Variants in TAF6 observed in about 807,000 individuals in gnomAD.
The protein encoded by TAF6 is transcription initiation factor TFIID subunit 6.
A neutral mutation model predicts 73.5 loss-of-function variants in TAF6; 50 were observed. The ratio of observed to expected loss-of-function variants is 0.68; its 90% confidence interval spans 0.54 to 0.86. TAF6 has a LOEUF of 0.86. Among genes scored for constraint, TAF6 ranks in the 40% least tolerant of loss-of-function variants. The pLI is 0.00. For missense variants in TAF6, 768 were observed against 899.5 expected (o/e 0.85, Z 1.87); for synonymous variants, 424 against 376.7 (o/e 1.13, Z -1.45).
Position 100,113,240 on chromosome 7 carries a change from A to G in TAF6, c.454+109T>C, listed in dbSNP as rs1194538586. 3 of 1,065,034 alleles carry G rather than the reference A, an allele frequency of 2.8e-6. No individual in the cohort carries two copies. In the Admixed American group the frequency reaches 8.5e-5, roughly 30 times the overall value. The allele number at this position is 1,065,034 out of a possible 1,614,324, so 66.0% of individuals were successfully genotyped here. On this transcript the variant is annotated intron_variant, in intron 5 of 14. Transcript: ENST00000453269. ...CAAGATTGAGCCACTGCACTCCAGC[A>G]CTCCTGCACTCCAGCACAGGCAACA...
upstream of TAF6, among the ~76,000 whole-genome samples, chr7:100,123,270 A>T (rs1798120402): frequency 3.3e-5 from 5 of 151,798 alleles, no homozygotes. Flanking sequence ...TGAATCCAGG[A>T]GGTGGAGGTT....
rs1188711570 is a variant in TAF6 at position 100,114,151 on chromosome 7, T to G, written c.59A>C (p.Lys20Thr). 6.2e-7 allele frequency: 1 copy of G among 1,614,208 alleles called. No individual in the cohort carries two copies. Among genetic ancestry groups the G allele is most frequent in the East Asian group, 2.2e-5 (1 of 44,880 alleles). Residue 20 changes from lysine to threonine, a missense_variant, in exon 2 of 15, where the codon AAG (lysine) becomes ACG (threonine). Transcript: ENST00000453269. ...SNTVLPSESM[K>T]VVAESMGIAQ... ...GATGCCCATGGATTCAGCCACCACC[T>G]TCATGGACTCCGAGGGCAGCACAGT...
At chr7:100,122,697 CAG>C, upstream of TAF6, 1 of 1,542,074 alleles carries the variant, frequency 6.5e-7, no homozygotes, top group Non-Finnish European at 8.8e-7. Context: ...CTTGAATCTC[CAG>C]TAGTTGACAA....
At chr7:100,122,124 G>C, upstream of TAF6, 2 of 1,041,870 alleles carry the variant, frequency 1.9e-6, no homozygotes, top group East Asian at 5.1e-5. Context: ...CTAAATGGCT[G>C]AGCCAGGATT....
At chr7:100,110,385 G>T in intron 10 of TAF6, 111 bp from the exon 11 acceptor site, 1 of 1,225,900 alleles carries the variant, frequency 8.2e-7, no homozygotes. Context: ...ATTACAATGA[G>T]GCCAGACGTG....
At position 100,112,707 on chromosome 7, in the gene TAF6, T is replaced by A; in HGVS notation, c.574+91A>T. On this transcript the variant is annotated intron_variant, in intron 6 of 14. Coordinates refer to ENST00000453269, the MANE Select transcript of TAF6 (RefSeq NM_139315.3). The stretch of plus-strand genomic sequence containing the variant: ...TCCAGCCTGGGTGACAGAGTGAGAC[T>A]CTGTCTCAAAAACAAAAAAAAAGGA... 3 of 1,477,642 alleles carry A rather than the reference T, an allele frequency of 2.0e-6. No individual in the cohort carries two copies. In the East Asian group the frequency reaches 7.2e-5, roughly 36 times the overall value. 91.5% of individuals were successfully genotyped at this position (1,477,642 alleles called of 1,614,324 possible). A position where few individuals can be genotyped will look rare whatever the true frequency, so the allele number is the denominator to read the frequency against.
At chr7:100,125,057 A>T in the TAF6 span, 63 of 671,316 alleles carry the variant, frequency 9.4e-5, no homozygotes, top group Non-Finnish European at 1.2e-4. Context: ...ACAGCATGAC[A>T]TGGCTTCTGG....
In TAF6 at chr7:100,114,216, GTCCC is replaced by G. The variant is rs60827453; in HGVS notation, c.-11_-8del. 911 of 1,614,154 alleles carry G rather than the reference GTCCC, an allele frequency of 5.6e-4. 7 individuals carry two copies. In the African/African-American group the frequency reaches 0.011, roughly 19 times the overall value. ...GCTTCTTCTCCTCAGCCATTCTGGAGTCCCTCTTCTCCTCCCTGGAAGGATGAAG... is the reference window on the plus strand; with the variant it reads ...GCTTCTTCTCCTCAGCCATTCTGGAGTCTTCTCCTCCCTGGAAGGATGAAG... On this transcript the variant is annotated 5_prime_UTR_variant, in exon 2 of 15. Transcript: ENST00000453269.
intron 8 of TAF6, 42 bp downstream of exon 8, chr7:100,111,880 C>T: frequency 6.2e-7 from 1 of 1,613,986 alleles, no homozygotes; most frequent in Non-Finnish European, 8.5e-7. Context: ...CTCACAGGAG[C>T]TTCCACTGCC....
intron 12 of TAF6, among the ~76,000 whole-genome samples, chr7:100,109,334 A>G (rs1796935725): frequency 1.3e-5 from 2 of 151,806 alleles, no homozygotes; most frequent in Admixed American, 1.3e-4. Flanking sequence ...CAAAAAAAAA[A>G]AAAGAAAAGA....
chr7:100,108,420 G>C lies in TAF6; in HGVS notation c.1405C>G (p.Gln469Glu). The change falls in exon 13 of 15, where the codon CAG becomes GAG. Residue 469 changes from glutamine to glutamate, a missense_variant. This residue lies in a region of TAF6 where 350 missense variants were observed against 352.3 expected (regional missense o/e 0.99). Transcript: ENST00000453269. ...ACCTGCTGAGCCTGCAGAGCAGCCT[G>C]GGCCCGAGCCTTGACCACCTGGGAG... is the stretch of plus-strand genomic sequence containing the variant. ...LCSQVVKARAQAALQAQQVNR... is the reference protein window; with the variant it reads ...LCSQVVKARAEAALQAQQVNR... 1 of 1,613,778 alleles carries C rather than the reference G, an allele frequency of 6.2e-7. No homozygotes were observed. The highest frequency in any genetic ancestry group is 8.5e-7 in the Non-Finnish European group (1 of 1,179,780).
chr7:100,115,831 C>T (rs1389664746), intron 1 of TAF6, among the ~76,000 whole-genome samples: 1 of 152,068 alleles, frequency 6.6e-6, no homozygotes, highest in East Asian at 1.9e-4. Flanking sequence ...ACTAGCTTGG[C>T]GTGGTGGCAC....
the TAF6 span, among the ~76,000 whole-genome samples, chr7:100,126,440 C>T: frequency 2.0e-5 from 3 of 151,880 alleles, no homozygotes; most frequent in Non-Finnish European, 2.9e-5. Context: ...GGGTTCAAGA[C>T]TGGGGCGAGC....
chr7:100,120,125 G>C (rs1797987613), upstream of TAF6: 1 of 381,584 alleles, frequency 2.6e-6, no homozygotes, highest in Non-Finnish European at 4.7e-6. Flanking sequence ...GTAGTTCAGG[G>C]ACCATCGGCC....
Position 100,108,447 on chromosome 7 carries a change from A to G in TAF6, c.1378T>C (p.Cys460Arg), listed in dbSNP as rs1314355505. 6.2e-7 allele frequency: 1 copy of G among 1,613,874 alleles called. No individual in the cohort carries two copies. Among genetic ancestry groups the G allele is most frequent in the African/African-American group, 1.3e-5 (1 of 74,910 alleles). ...GCCCGAGCCTTGACCACCTGGGAGCAGAGGAGGGGCCCAAGGGACCCGAAT... is the reference window on the plus strand; with the variant it reads ...GCCCGAGCCTTGACCACCTGGGAGCGGAGGAGGGGCCCAAGGGACCCGAAT... ...AEFGSLGPLL[C>R]SQVVKARAQA... The change falls in exon 13 of 15, where the codon TGC (cysteine) becomes CGC (arginine). Residue 460 changes from cysteine (C) to arginine (R), a missense_variant. Cys to Arg is a radical substitution (Grantham distance 180). This residue lies in a region of TAF6 where 350 missense variants were observed against 352.3 expected (regional missense o/e 0.99). Coordinates refer to ENST00000453269, the MANE Select transcript of TAF6 (RefSeq NM_139315.3).
At chr7:100,125,108 C>T in the TAF6 span, 9 of 535,798 alleles carry the variant, frequency 1.7e-5, no homozygotes, top group East Asian at 2.7e-4. Flanking sequence ...TAGAGATGAA[C>T]TCTATCCAGC....
intron 11 of TAF6, 53 bp from the exon 12 acceptor site, chr7:100,110,126 A>G: frequency 6.2e-7 from 1 of 1,613,990 alleles, no homozygotes. Context: ...AGGGTCTCCC[A>G]GATGGGGGTA....
rs753909799 is a variant in TAF6, at chr7:100,113,695, G to A, written c.318C>T (p.Phe106=). ...TCAGATCAACCTCCTTCTCCTCATA[G>A]AAGTAAAGCTCCCGGCCCCCACCAG... ...FASGGGRELY[F]YEEKEVDLSD... Residue 106 remains phenylalanine (F), a synonymous_variant, in exon 4 of 15, where the codon TTC becomes TTT. Transcript: ENST00000453269. The A allele has an allele frequency of 5.6e-6, 9 of 1,614,058 alleles. No homozygotes were observed. Among genetic ancestry groups the A allele is most frequent in the Non-Finnish European group, 7.6e-6 (9 of 1,180,032 alleles).
At chr7:100,122,260 G>A (rs1798094060), upstream of TAF6, 2 of 1,613,978 alleles carry the variant, frequency 1.2e-6, no homozygotes, top group Non-Finnish European at 1.7e-6. Context: ...CCCCACCAGT[G>A]TGTAAGCTGC....
Sources: gnomAD v4.1 joint callset for allele counts (sites outside exome capture counted in the v4.1 genomes callset) on GRCh38, gnomAD v4.1.1 for gene constraint, gnomAD v4.1.1 regional missense constraint, MANE v1.5 for transcripts, NCBI Gene and HGNC (gene_info 2026-07-23, HGNC 2026-07-21) for gene names.